The following MYO7A variants were observed in gnomAD, a reference collection of about 807,000 sequenced individuals.
MYO7A encodes unconventional myosin-VIIa.
A neutral mutation model predicts 263.8 loss-of-function variants in MYO7A; 210 were observed. The ratio of observed to expected loss-of-function variants is 0.80; its 90% confidence interval spans 0.71 to 0.89. The LOEUF (loss-of-function observed/expected upper bound fraction) is 0.89. Among genes scored for constraint, MYO7A ranks in the 40% least tolerant of loss-of-function variants. MYO7A has a pLI of 0.00. For missense variants in MYO7A, 2,820 were observed against 2,968.3 expected (o/e 0.95, Z 1.16); for synonymous variants, 1,239 against 1,197.3 (o/e 1.03, Z -0.72).
chr11:77,183,287 T>G, intron 26 of MYO7A, 130 bp downstream of exon 26: 1 of 774,478 alleles, frequency 1.3e-6, no homozygotes, highest in African/African-American at 1.7e-5. Context: ...TCAGGGGTCT[T>G]GGCTGGCCAG....
At chr11:77,167,184 C>T (rs1207407693) in intron 15 of MYO7A, among the ~76,000 whole-genome samples, 1 of 152,126 alleles carries the variant, frequency 6.6e-6, no homozygotes, top group Non-Finnish European at 1.5e-5. Flanking sequence ...GTTGTGTGTG[C>T]TGCAGGCATT....
chr11:77,133,745 G>A (rs1950833236), intron 2 of MYO7A, among the ~76,000 whole-genome samples: 1 of 152,114 alleles, frequency 6.6e-6, no homozygotes, highest in Non-Finnish European at 1.5e-5. Flanking sequence ...AGTAATTACT[G>A]TTAAGGAAGG....
chr11:77,180,442 C>T lies in MYO7A; in HGVS notation c.2655C>T (p.Ser885=), dbSNP rs782794715. ...AEEEKLRKEM[S]AKKAKEEAER... is the part of the protein sequence containing the mutation. ...AAGAGAAGCTTCGGAAGGAGATGAG[C>T]GCCAAGAAGGCCAAGGAGGAGGCCG... The change falls in exon 22 of 49, where the codon AGC becomes AGT. Residue 885 remains serine, a synonymous_variant. Transcript: ENST00000409709. 9.3e-6 allele frequency: 15 copies of T among 1,612,246 alleles called. No individual in the cohort carries two copies. Among genetic ancestry groups the T allele is most frequent in the African/African-American group, 2.7e-5 (2 of 74,904 alleles).
chr11:77,191,036 A>G, intron 30 of MYO7A, 166 bp downstream of exon 30: 2 of 774,302 alleles, frequency 2.6e-6, no homozygotes, highest in Non-Finnish European at 3.9e-6. Context: ...ACTGCCGAGA[A>G]CTCGGCCAGG....
rs782432573 is a variant in MYO7A, at chr11:77,159,489, C to A, written c.1046C>A (p.Ser349Tyr). Residue 349 changes from serine to tyrosine, a missense_variant, in exon 10 of 49, where the codon TCC becomes TAC. Coordinates refer to ENST00000409709, the MANE Select transcript of MYO7A (RefSeq NM_000260.4). ...CTGGATGCCTGTGAGGTTCTCTTCT[C>A]CCCATCGCTGGCCACAGCTGCATCC... The part of the protein sequence containing the change: ...ENLDACEVLF[S>Y]PSLATAASLL... The A allele has an allele frequency of 2.5e-6, 4 of 1,579,020 alleles. No individual in the cohort carries two copies. The Admixed American group carries it at 6.8e-5, about 27-fold the overall frequency.
At position 77,162,975 on chromosome 11, in the gene MYO7A, C is replaced by A. The variant is rs1555070286; in HGVS notation, c.1677C>A (p.Tyr559Ter). 6.2e-7 allele frequency: 1 copy of A among 1,613,922 alleles called. No individual in the cohort carries two copies. ...FGINHFAGIV[Y>*]YETQGFLEKN... ...TCAACCATTTTGCAGGCATCGTCTA[C>A]TATGAGACCCAAGGTACAGAGGGCT... The change falls in exon 14 of 49, where the codon TAC becomes TAA. Residue 559 changes from tyrosine to a stop codon, truncating the protein, a stop_gained. Transcript: ENST00000409709. LOFTEE classifies it high-confidence loss of function.
At position 77,183,084 on chromosome 11, in the gene MYO7A, G is replaced by A. The variant is rs1555085971; in HGVS notation, c.3302G>A (p.Gly1101Asp). The change falls in exon 26 of 49, where the codon GGC becomes GAC. Residue 1101 changes from glycine (G) to aspartate (D), a missense_variant. Coordinates refer to ENST00000409709, the MANE Select transcript of MYO7A (RefSeq NM_000260.4). The part of the protein sequence containing the change: ...QGEGEAQLPE[G>D]QKKSSVRHKL... The stretch of plus-strand genomic sequence containing the variant: ...GTCCTGCAGGCCCAGCTCCCCGAGG[G>A]CCAGAAGAAGAGCAGTGTGAGGCAC... 1 of 1,551,566 alleles carries A rather than the reference G, an allele frequency of 6.4e-7. No individual in the cohort carries two copies. The highest frequency in any genetic ancestry group is 1.2e-5 in the South Asian group (1 of 84,066).
chr11:77,137,017 G>A (rs1555047648), intron 2 of MYO7A, among the ~76,000 whole-genome samples: 1 of 152,224 alleles, frequency 6.6e-6, no homozygotes, highest in African/African-American at 2.4e-5. Context: ...TCGGTTATAT[G>A]AACTCGTGGT....
In MYO7A at chr11:77,207,395, C is replaced by T. The variant is rs757992709; in HGVS notation, c.5849C>T (p.Ala1950Val). 7 of 1,604,802 alleles carry T rather than the reference C, an allele frequency of 4.4e-6. No homozygotes were observed. Among genetic ancestry groups the T allele is most frequent in the South Asian group, 3.4e-5 (3 of 89,262 alleles). ...GGATTCAGCCTCTTTGTCAAAATTG[C>T]AGACAAGGTGGGTCCTTTGCCACCT... is the stretch of plus-strand genomic sequence containing the variant. ...SEGFSLFVKI[A>V]DKVLSVPEND... The change falls in exon 42 of 49, where the codon GCA (alanine) becomes GTA (valine). Residue 1950 changes from alanine to valine, a missense_variant. Coordinates refer to ENST00000409709, the MANE Select transcript of MYO7A (RefSeq NM_000260.4).
rs1011917937 is a variant in MYO7A, at chr11:77,130,733, T to C, written c.18+81T>C. ...CCATATGCTTACCCGTGGGACACCC[T>C]CCCCAGGGTGTTCTCTTGGAAAATT... On this transcript the variant is annotated intron_variant, in intron 2 of 48. Transcript: ENST00000409709. 2.7e-6 allele frequency: 4 copies of C among 1,496,742 alleles called. No homozygotes were observed. In the African/African-American group the frequency reaches 5.5e-5, roughly 21 times the overall value. 92.7% of individuals were successfully genotyped at this position (1,496,742 alleles called of 1,614,324 possible).
rs1555069337 is a variant in MYO7A, at chr11:77,162,161, A to C, written c.1385A>C (p.Gln462Pro). The change falls in exon 13 of 49, where the codon CAG (glutamine) becomes CCG (proline). Residue 462 changes from glutamine (Q) to proline (P), a missense_variant. Gln to Pro is a moderately conservative substitution (Grantham distance 76). Transcript: ENST00000409709. The stretch of plus-strand genomic sequence containing the variant: ...ATCAACTTCGCCAATGAGCACCTGC[A>C]GCAGTTCTTTGTGCGGCACGTGTTC... ...LCINFANEHL[Q>P]QFFVRHVFKL... 6.2e-7 allele frequency: 1 copy of C among 1,604,416 alleles called. No homozygotes were observed. The highest frequency in any genetic ancestry group is 2.2e-5 in the East Asian group (1 of 44,636).
At chr11:77,177,441 AGTTCTTGACCT>A in intron 18 of MYO7A, 97 bp from the exon 19 acceptor site, 2 of 877,232 alleles carry the variant, frequency 2.3e-6, no homozygotes, top group Non-Finnish European at 3.6e-6. Flanking sequence ...GGCCCAACTG[AGTTCTTGACCT>A]GTGCTCCCAG....
chr11:77,162,189 G>A lies in MYO7A; in HGVS notation c.1413G>A (p.Lys471=), dbSNP rs781911538. The A allele has an allele frequency of 8.1e-6, 13 of 1,598,062 alleles. No individual in the cohort carries two copies. The highest frequency in any genetic ancestry group is 1.1e-5 in the Non-Finnish European group (13 of 1,172,112). The change falls in exon 13 of 49, where the codon AAG becomes AAA. Residue 471 remains lysine (K), a synonymous_variant. Transcript: ENST00000409709. ...AGTTCTTTGTGCGGCACGTGTTCAAGCTGGAGCAGGAGGAATATGACCTGG... is the reference window on the plus strand; with the variant it reads ...AGTTCTTTGTGCGGCACGTGTTCAAACTGGAGCAGGAGGAATATGACCTGG... The part of the protein sequence containing the change: ...LQQFFVRHVF[K]LEQEEYDLES...
At chr11:77,185,927 T>C (rs1305587460) in intron 27 of MYO7A, among the ~76,000 whole-genome samples, 2 of 151,472 alleles carry the variant, frequency 1.3e-5, no homozygotes, top group Non-Finnish European at 3.0e-5. Context: ...ACATCATTTT[T>C]TTTTTTTTTT....
intron 15 of MYO7A, among the ~76,000 whole-genome samples, chr11:77,170,046 G>T (rs1334440975): frequency 6.6e-6 from 1 of 152,210 alleles, no homozygotes; most frequent in Admixed American, 6.5e-5. Flanking sequence ...GCTCCAGCCT[G>T]GGCGACAGAG....
At chr11:77,202,157 G>T in intron 36 of MYO7A, 143 bp from the exon 37 acceptor site, 1 of 1,087,104 alleles carries the variant, frequency 9.2e-7, no homozygotes, top group Non-Finnish European at 1.3e-6. Context: ...AAGGAGGAAC[G>T]GGGCTCCCAG....
At chr11:77,158,902 G>C (rs1318676315) in intron 9 of MYO7A, among the ~76,000 whole-genome samples, 1 of 152,168 alleles carries the variant, frequency 6.6e-6, no homozygotes, top group Non-Finnish European at 1.5e-5. Context: ...CAGGTGGCAG[G>C]TCCCACTCTG....
At chr11:77,189,281 AGGTGGGGACC>A in intron 27 of MYO7A, 53 bp from the exon 28 acceptor site, 1 of 1,598,886 alleles carries the variant, frequency 6.3e-7, no homozygotes. Flanking sequence ...TGCTAGGAGG[AGGTGGGGACC>A]GGGGCTGTTC....
At chr11:77,182,202 G>T in intron 24 of MYO7A, 48 bp downstream of exon 24, 2 of 1,604,112 alleles carry the variant, frequency 1.2e-6, no homozygotes, top group Non-Finnish European at 1.7e-6. Context: ...GCCAGGGCTG[G>T]GGCTATGGAC....
Sources: gnomAD v4.1 joint callset for allele counts (sites outside exome capture counted in the v4.1 genomes callset) on GRCh38, gnomAD v4.1.1 for gene constraint, MANE v1.5 for transcripts, NCBI Gene and HGNC (gene_info 2026-07-23, HGNC 2026-07-21) for gene names.